Variants in NECTIN3 observed in about 807,000 individuals in gnomAD.
The protein encoded by NECTIN3 is nectin-3.
Under a neutral mutation model 49.4 loss-of-function variants are expected in NECTIN3, and 8 were observed. The observed-to-expected ratio is 0.16, with a 90% CI of 0.10 to 0.29. The LOEUF is 0.29. Among genes scored for constraint, NECTIN3 ranks in the 10% least tolerant of loss-of-function variants. The probability of loss-of-function intolerance (pLI) is 1.00; values close to 1 mark genes in which losing one functional copy is unlikely to be tolerated. For missense variants in NECTIN3, 581 were observed against 654.6 expected (o/e 0.89, Z 1.23); for synonymous variants, 277 against 241.1 (o/e 1.15, Z -1.38).
chr3:111,164,069 G>A (rs889138258), intron 7 of NECTIN3, among the ~76,000 whole-genome samples: 6 of 151,792 alleles, frequency 4.0e-5, no homozygotes, highest in East Asian at 1.9e-4. Context: ...CCAAATGTGC[G>A]AAGTATTTGT....
downstream of NECTIN3, among the ~76,000 whole-genome samples, chr3:111,142,374 G>A (rs771805611): frequency 6.6e-6 from 1 of 151,750 alleles, no homozygotes; most frequent in African/African-American, 2.4e-5. Flanking sequence ...AAAGAGGTAT[G>A]GGAGAAAGAG....
At chr3:111,154,307 AC>A (rs1559810959) in intron 7 of NECTIN3, among the ~76,000 whole-genome samples, 1 of 152,110 alleles carries the variant, frequency 6.6e-6, no homozygotes, top group African/African-American at 2.4e-5. Flanking sequence ...CTTTCACTCT[AC>A]ATAGTGATTT....
At chr3:111,091,925 A>T (rs1366364737) in intron 1 of NECTIN3, among the ~76,000 whole-genome samples, 1 of 152,214 alleles carries the variant, frequency 6.6e-6, no homozygotes, top group African/African-American at 2.4e-5. Context: ...CCAGCATTGG[A>T]AAAGTCTTCC....
rs2034514238 is a variant in NECTIN3, at chr3:111,134,641, GAC to G, written c.*429_*430del. Reference sequence around the variant, plus strand: ...CTCTCAAAATTTATCACCACTCAATGACACTGCATCAAAATTGACTATAAAAC... The same window carrying G: ...CTCTCAAAATTTATCACCACTCAATGACTGCATCAAAATTGACTATAAAAC... On this transcript the variant is annotated 3_prime_UTR_variant, in exon 6 of 6. Coordinates refer to ENST00000485303, the MANE Select transcript of NECTIN3 (RefSeq NM_015480.3). The G allele has an allele frequency of 4.6e-6, 4 of 877,066 alleles. No homozygotes were observed. Among genetic ancestry groups the G allele is most frequent in the African/African-American group, 1.8e-5 (1 of 54,712 alleles). The allele number at this position is 877,066 out of a possible 1,614,324, so 54.3% of individuals were successfully genotyped here.
chr3:111,189,248 G>A (rs112821887), upstream of NECTIN3, among the ~76,000 whole-genome samples: 1,371 of 152,236 alleles, frequency 9.0e-3, 9 homozygotes, highest in Non-Finnish European at 0.015. Flanking sequence ...AGACATGAGG[G>A]ACTGCTGAAG....
intron 1 of NECTIN3, among the ~76,000 whole-genome samples, chr3:111,093,116 G>C (rs893881358): frequency 6.6e-6 from 1 of 152,142 alleles, no homozygotes; most frequent in African/African-American, 2.4e-5. Context: ...TAGAAATGCA[G>C]TTGAATTTTG....
At chr3:111,090,596 G>A (rs1194511852) in intron 1 of NECTIN3, among the ~76,000 whole-genome samples, 1 of 109,316 alleles carries the variant, frequency 9.1e-6, no homozygotes, top group Non-Finnish European at 2.0e-5. Context: ...GTGTGTGTGT[G>A]TGTCTCATAA....
chr3:111,138,770 A>G (rs2034665330), downstream of NECTIN3, among the ~76,000 whole-genome samples: 1 of 151,664 alleles, frequency 6.6e-6, no homozygotes, highest in African/African-American at 2.4e-5. Flanking sequence ...ATAACTTTAA[A>G]ATGTAATCTT....
In NECTIN3 at chr3:111,135,135, ATCTATAG is replaced by A. The variant is rs2034533746; in HGVS notation, c.*921_*927del. On this transcript the variant is annotated 3_prime_UTR_variant, in exon 6 of 6. Transcript: ENST00000485303. Reference sequence around the variant, plus strand: ...TTAGAAATGAGACTTTCAGCCAACAATCTATAGAAAGAATTTTATGGACCATCTTGTT... The same window carrying A: ...TTAGAAATGAGACTTTCAGCCAACAAAAAGAATTTTATGGACCATCTTGTT... The A allele has an allele frequency of 4.7e-5, 46 of 981,480 alleles. No homozygotes were observed. The highest frequency in any genetic ancestry group is 5.4e-5 in the Non-Finnish European group (45 of 826,542). The allele number at this position is 981,480 out of a possible 1,614,324, so 60.8% of individuals were successfully genotyped here.
rs78782416 is a variant in NECTIN3 at position 111,117,350 on chromosome 3, C to A, written c.503-1306C>A. On this transcript the variant is annotated intron_variant, in intron 2 of 5. Coordinates refer to ENST00000485303, the MANE Select transcript of NECTIN3 (RefSeq NM_015480.3). The stretch of plus-strand genomic sequence containing the variant: ...CTATAATGAAAAACAAACCATTGAT[C>A]TCCAAAGTCAATATAATAGTTTCAC... 2.3e-3 allele frequency among the ~76,000 whole-genome samples: 355 copies of A among 152,060 alleles called. 10 individuals are homozygous for A. The East Asian group carries it at 0.055, about 24-fold the overall frequency.
intron 7 of NECTIN3, among the ~76,000 whole-genome samples, chr3:111,150,118 T>C (rs970792853): frequency 3.9e-5 from 6 of 152,058 alleles, no homozygotes; most frequent in Admixed American, 1.3e-4. Context: ...TAAAATAGTA[T>C]TTAATCTTAG....
rs550546156 is a variant in NECTIN3 at position 111,071,848 on chromosome 3, C to A, written c.-170C>A. On this transcript the variant is annotated 5_prime_UTR_variant, in exon 1 of 6. Transcript: ENST00000485303. ...GCAGTGGCGTCGGCGACGGCGGTGT[C>A]GAGGCAGCCGCCAGCGTTCGGCCAA... is the stretch of plus-strand genomic sequence containing the variant. 4.8e-6 allele frequency: 2 copies of A among 413,474 alleles called. No individual in the cohort carries two copies. Among genetic ancestry groups the A allele is most frequent in the South Asian group, 1.0e-4 (1 of 9,622 alleles). The allele number at this position is 413,474 out of a possible 1,614,324, so 25.6% of individuals were successfully genotyped here.
At chr3:111,078,936 CTG>C (rs771305413) in intron 1 of NECTIN3, among the ~76,000 whole-genome samples, 4 of 152,040 alleles carry the variant, frequency 2.6e-5, no homozygotes, top group Non-Finnish European at 4.4e-5. Flanking sequence ...ACATCTGACT[CTG>C]GAACTGAGTT....
rs754972279 is a variant in NECTIN3 at position 111,112,026 on chromosome 3, A to G, written c.161-4A>G. 1.1e-5 allele frequency: 18 copies of G among 1,587,136 alleles called. No individual in the cohort carries two copies. Among genetic ancestry groups the G allele is most frequent in the Middle Eastern group, 1.7e-4 (1 of 5,900 alleles). ...AAATTGTAGTACTTTTTTTTCCTCC[A>G]TAGGTGCCTTAGCTGGACCAATTAT... On this transcript the variant is annotated splice_polypyrimidine_tract_variant and splice_region_variant and intron_variant, in intron 1 of 5. Coordinates refer to ENST00000485303, the MANE Select transcript of NECTIN3 (RefSeq NM_015480.3).
chr3:111,080,216 T>G (rs936648693), intron 1 of NECTIN3, among the ~76,000 whole-genome samples: 1 of 152,152 alleles, frequency 6.6e-6, no homozygotes, highest in African/African-American at 2.4e-5. Flanking sequence ...ATTTTCAACT[T>G]CGGGATTCTT....
At chr3:111,096,610 G>C (rs2032598794) in intron 1 of NECTIN3, among the ~76,000 whole-genome samples, 1 of 152,124 alleles carries the variant, frequency 6.6e-6, no homozygotes, top group Non-Finnish European at 1.5e-5. Flanking sequence ...TCTTGGGCTG[G>C]GCCCAGGGTC....
At chr3:111,096,952 T>C (rs1437225610) in intron 1 of NECTIN3, among the ~76,000 whole-genome samples, 1 of 152,188 alleles carries the variant, frequency 6.6e-6, no homozygotes, top group African/African-American at 2.4e-5. Flanking sequence ...CCCACTGGGA[T>C]ACCACCTAGT....
chr3:111,187,620 A>C (rs1001458350), upstream of NECTIN3, among the ~76,000 whole-genome samples: 2 of 152,218 alleles, frequency 1.3e-5, no homozygotes, highest in East Asian at 3.8e-4. Context: ...ATTTAGTGCT[A>C]AAAAGGAATA....
At chr3:111,101,446 C>T (rs1002268757) in intron 1 of NECTIN3, among the ~76,000 whole-genome samples, 65 of 151,924 alleles carry the variant, frequency 4.3e-4, no homozygotes, top group African/African-American at 1.5e-3. Flanking sequence ...ATTTTCTATG[C>T]CTGTTATTCA....
Sources: gnomAD v4.1 joint callset for allele counts (sites outside exome capture counted in the v4.1 genomes callset) on GRCh38, gnomAD v4.1.1 for gene constraint, MANE v1.5 for transcripts, NCBI Gene and HGNC (gene_info 2026-07-23, HGNC 2026-07-21) for gene names.